The following ZC3H12B variants were observed in gnomAD, a reference collection of about 807,000 sequenced individuals.
The protein encoded by ZC3H12B is probable ribonuclease ZC3H12B.
A neutral mutation model predicts 43.9 loss-of-function variants in ZC3H12B; 7 were observed. The ratio of observed to expected loss-of-function variants is 0.16; its 90% CI spans 0.09 to 0.30. The LOEUF (loss-of-function observed/expected upper bound fraction) is 0.30. Ranked by LOEUF, ZC3H12B falls within the 10% of genes least tolerant of loss-of-function variation. ZC3H12B has a pLI of 1.00. For synonymous variants in ZC3H12B, 222 were observed against 241.7 expected (o/e 0.92, Z 0.76); for missense variants, 475 against 670.2 (o/e 0.71, Z 3.22).
intron 3 of ZC3H12B, among the ~76,000 whole-genome samples, chrX:65,439,015 G>A (rs1345446289): frequency 8.9e-6 from 1 of 112,563 alleles, no homozygotes; most frequent in Non-Finnish European, 1.9e-5. Context: ...TTTCTCAGGA[G>A]TCGGGATCCA....
At chrX:65,450,677 A>G (rs1469157710) in intron 3 of ZC3H12B, among the ~76,000 whole-genome samples, 1 of 11,786 alleles carries the variant, frequency 8.5e-5, no homozygotes, top group Admixed American at 1.0e-3. Flanking sequence ...ATACATGTGT[A>G]TATATGTATA....
At chrX:65,427,369 C>G (rs2067096078) in intron 3 of ZC3H12B, among the ~76,000 whole-genome samples, 1 of 110,825 alleles carries the variant, frequency 9.0e-6, no homozygotes. Context: ...TGCTCTCTCA[C>G]CCAGGCTGGA....
rs1381199519 is a variant in ZC3H12B, at chrX:65,385,827, C to G, written n.296-12766C>G. Among the ~76,000 whole-genome samples, 3 of 111,845 alleles carry G rather than the reference C, an allele frequency of 2.7e-5. No individual in the cohort carries two copies. The East Asian group carries it at 8.4e-4, about 31-fold the overall frequency. ...ATTTTGAGCTATGTCCCATCAATACCTAATTTATTGAGAGTTTTTAGCATG... is the reference window on the plus strand; with the variant it reads ...ATTTTGAGCTATGTCCCATCAATACGTAATTTATTGAGAGTTTTTAGCATG... On this transcript the variant is annotated intron_variant and non_coding_transcript_variant, in intron 2 of 5. Transcript: ENST00000617377.
chrX:65,401,527 G>A (rs1344118066), intron 3 of ZC3H12B, among the ~76,000 whole-genome samples: 1 of 111,684 alleles, frequency 9.0e-6, no homozygotes, highest in Non-Finnish European at 1.9e-5. Flanking sequence ...GCAACTGTTA[G>A]GCAAGTCATA....
the ZC3H12B span, among the ~76,000 whole-genome samples, chrX:65,195,779 G>A: frequency 9.0e-6 from 1 of 111,700 alleles, no homozygotes; most frequent in Non-Finnish European, 1.9e-5. Flanking sequence ...TACTTATATG[G>A]GCTTAAGACT....
chrX:65,383,154 G>A (rs1236627289), intron 2 of ZC3H12B, among the ~76,000 whole-genome samples: 1 of 111,380 alleles, frequency 9.0e-6, no homozygotes, highest in Non-Finnish European at 1.9e-5. Flanking sequence ...AAGTCATCCT[G>A]AGCCAAAAGA....
chrX:65,241,541 CTGAG>C, the ZC3H12B span, among the ~76,000 whole-genome samples: 16 of 112,314 alleles, frequency 1.4e-4, no homozygotes, highest in Non-Finnish European at 2.8e-4. Context: ...GAGGTCGCCC[CTGAG>C]TGAGGAGGAA....
the ZC3H12B span, among the ~76,000 whole-genome samples, chrX:65,261,607 A>G: frequency 9.0e-6 from 1 of 111,260 alleles, no homozygotes; most frequent in Non-Finnish European, 1.9e-5. Flanking sequence ...TTTACCTGTA[A>G]TAGTTATGTG....
the ZC3H12B span, among the ~76,000 whole-genome samples, chrX:65,239,547 G>C: frequency 9.0e-6 from 1 of 111,028 alleles, no homozygotes; most frequent in Non-Finnish European, 1.9e-5. Context: ...GCCATTCTAT[G>C]TTATTTAATT....
At chrX:65,494,254 G>A (rs929975263) in intron 1 of ZC3H12B, among the ~76,000 whole-genome samples, 2 of 109,973 alleles carry the variant, frequency 1.8e-5, no homozygotes, top group East Asian at 5.7e-4. Context: ...ATGATTATAT[G>A]TATATATTTA....
chrX:65,163,081 G>A, the ZC3H12B span, among the ~76,000 whole-genome samples: 9 of 111,216 alleles, frequency 8.1e-5, no homozygotes, highest in East Asian at 8.5e-4. Context: ...GCAGAACAGC[G>A]GATTTTTGTG....
chrX:65,243,103 A>C, the ZC3H12B span, among the ~76,000 whole-genome samples: 9 of 112,167 alleles, frequency 8.0e-5, no homozygotes, highest in Non-Finnish European at 1.7e-4. Context: ...AGCACAGGCA[A>C]TCAAATTATA....
chrX:65,045,540 A>G, the ZC3H12B span, among the ~76,000 whole-genome samples: 1 of 111,831 alleles, frequency 8.9e-6, no homozygotes, highest in African/African-American at 3.2e-5. Context: ...ATTCAATTAC[A>G]CCTTCTGTCT....
chrX:65,165,801 G>C, the ZC3H12B span, among the ~76,000 whole-genome samples: 1 of 112,054 alleles, frequency 8.9e-6, no homozygotes, highest in Admixed American at 9.5e-5. Flanking sequence ...AATCTTTTGG[G>C]TGTATACCCA....
chrX:65,232,077 TA>T, the ZC3H12B span, among the ~76,000 whole-genome samples: 1 of 84,031 alleles, frequency 1.2e-5, no homozygotes, highest in African/African-American at 1.0e-4. Flanking sequence ...CTACTAACAA[TA>T]CAAAAAAAAA....
At chrX:65,274,702 A>AACAGCCCC in the ZC3H12B span, among the ~76,000 whole-genome samples, 21 of 109,944 alleles carry the variant, frequency 1.9e-4, no homozygotes, top group African/African-American at 6.3e-4. Flanking sequence ...GAACCTGATA[A>AACAGCCCC]ACAGCCCCAC....
At chrX:65,210,001 G>C in the ZC3H12B span, among the ~76,000 whole-genome samples, 2 of 70,043 alleles carry the variant, frequency 2.9e-5, no homozygotes, top group Non-Finnish European at 4.4e-5. Context: ...TCAAGACATA[G>C]GCGTGGGCAA....
chrX:65,380,216 G>A (rs2148006010), intron 2 of ZC3H12B, among the ~76,000 whole-genome samples: 1 of 111,580 alleles, frequency 9.0e-6, no homozygotes, highest in South Asian at 3.7e-4. Context: ...AGAAAGGTAG[G>A]GTTATCCTCA....
Position 65,459,815 on chromosome X carries a change from T to C in ZC3H12B, n.408-28831T>C, listed in dbSNP as rs1198321350. Among the ~76,000 whole-genome samples the C allele has an allele frequency of 2.7e-5, 3 of 111,683 alleles. No individual in the cohort carries two copies. In the Admixed American group the frequency reaches 2.9e-4, roughly 11 times the overall value. On this transcript the variant is annotated intron_variant and non_coding_transcript_variant, in intron 3 of 5. Coordinates refer to the ZC3H12B transcript ENST00000617377. ...ACTGGCACAAGACAGGGATGCCCTC[T>C]CTCACCACTCCTATTCAACATAGTG...
Sources: gnomAD v4.1 joint callset for allele counts (sites outside exome capture counted in the v4.1 genomes callset) on GRCh38, gnomAD v4.1.1 for gene constraint, MANE v1.5 for transcripts, NCBI Gene and HGNC (gene_info 2026-07-23, HGNC 2026-07-21) for gene names.